The following ME3 variants were observed in gnomAD, a reference collection of about 807,000 sequenced individuals.
ME3 encodes the protein NADP-dependent malic enzyme, mitochondrial.
In ME3, 48 loss-of-function variants were observed where a neutral mutation model predicts 68.9. The ratio of observed to expected loss-of-function variants is 0.70; its 90% CI spans 0.55 to 0.89. ME3 has a LOEUF of 0.89. Among genes scored for constraint, ME3 ranks in the 40% least tolerant of loss-of-function variants. ME3 has a pLI of 0.00. For missense variants in ME3, 675 were observed against 797.4 expected (o/e 0.85, Z 1.85); for synonymous variants, 320 against 318.8 (o/e 1.00, Z -0.04).
chr11:86,613,742 C>A (rs12417361), intron 2 of ME3, among the ~76,000 whole-genome samples: 1 of 152,024 alleles, frequency 6.6e-6, no homozygotes, highest in Non-Finnish European at 1.5e-5. Flanking sequence ...AATAAAATAC[C>A]TAGGAATACA....
chr11:86,616,205 T>C (rs1942946452), intron 2 of ME3, among the ~76,000 whole-genome samples: 1 of 152,238 alleles, frequency 6.6e-6, no homozygotes, highest in Non-Finnish European at 1.5e-5. Context: ...ACTTAACTAT[T>C]CCTTTGTTAG....
intron 4 of ME3, among the ~76,000 whole-genome samples, chr11:86,548,168 T>G (rs966261182): frequency 2.0e-5 from 3 of 152,202 alleles, no homozygotes; most frequent in Non-Finnish European, 2.9e-5. Flanking sequence ...CCACATGCAT[T>G]TAAGCACAAA....
At chr11:86,527,091 CATGGCAAAG>C (rs1954814053) in intron 4 of ME3, among the ~76,000 whole-genome samples, 1 of 152,118 alleles carries the variant, frequency 6.6e-6, no homozygotes, top group Non-Finnish European at 1.5e-5. Flanking sequence ...AGTTCGAACC[CATGGCAAAG>C]AAGTTAAAAA....
intron 2 of ME3, among the ~76,000 whole-genome samples, chr11:86,638,129 A>AC (rs112225366): frequency 0.095 from 14,404 of 152,096 alleles, 703 homozygotes; most frequent in South Asian, 0.13. Flanking sequence ...GAAATGGTGT[A>AC]CCTCTGACTT....
intron 2 of ME3, among the ~76,000 whole-genome samples, chr11:86,571,476 G>A (rs998882569): frequency 1.4e-4 from 22 of 152,208 alleles, no homozygotes; most frequent in Admixed American, 2.6e-4. Flanking sequence ...CTGTATCTGC[G>A]CTGTCCAATG....
At chr11:86,523,342 C>T (rs1384717991) in intron 4 of ME3, among the ~76,000 whole-genome samples, 1 of 152,186 alleles carries the variant, frequency 6.6e-6, no homozygotes, top group African/African-American at 2.4e-5. Flanking sequence ...GGTAATATCA[C>T]TGAGGTAAGT....
intron 2 of ME3, among the ~76,000 whole-genome samples, chr11:86,633,375 A>T (rs1478795540): frequency 6.6e-6 from 1 of 152,216 alleles, no homozygotes; most frequent in Non-Finnish European, 1.5e-5. Context: ...AACTGAGCAC[A>T]ACATGCTTAC....
chr11:86,495,728 C>G (rs1399431715), intron 6 of ME3, among the ~76,000 whole-genome samples: 1 of 152,152 alleles, frequency 6.6e-6, no homozygotes, highest in South Asian at 2.1e-4. Flanking sequence ...AAGCATGTAT[C>G]CATATCTAAC....
intron 2 of ME3, among the ~76,000 whole-genome samples, chr11:86,616,539 A>C (rs1020253237): frequency 6.6e-6 from 1 of 152,222 alleles, no homozygotes; most frequent in Non-Finnish European, 1.5e-5. Flanking sequence ...TACCCTGCCC[A>C]CTAACAGTAC....
chr11:86,437,011 G>A, downstream of ME3: 1 of 152,068 alleles, frequency 6.6e-6, no homozygotes, highest in East Asian at 1.9e-4. Flanking sequence ...GACTTTTAGT[G>A]TAATCATTAC....
At chr11:86,657,542 G>T (rs548474207) in intron 2 of ME3, among the ~76,000 whole-genome samples, 1 of 152,166 alleles carries the variant, frequency 6.6e-6, no homozygotes, top group East Asian at 1.9e-4. Flanking sequence ...ATGGGTGCAG[G>T]AAACCACCAT....
At chr11:86,453,424 T>C (rs1949746531) in intron 8 of ME3, among the ~76,000 whole-genome samples, 1 of 152,212 alleles carries the variant, frequency 6.6e-6, no homozygotes, top group Non-Finnish European at 1.5e-5. Context: ...CACTGCTTTG[T>C]CTGCAAACCA....
At chr11:86,672,074 C>T (rs1946989942) in intron 1 of ME3, 116 bp from the exon 2 acceptor site, 4 of 853,442 alleles carry the variant, frequency 4.7e-6, no homozygotes, top group Non-Finnish European at 6.5e-6. Flanking sequence ...GGCAGGTGCT[C>T]CCAAAGGGTT....
chr11:86,671,350 G>T (rs1248007060), intron 2 of ME3, among the ~76,000 whole-genome samples: 2 of 151,990 alleles, frequency 1.3e-5, no homozygotes, highest in Non-Finnish European at 2.9e-5. Context: ...TTTTCTACCC[G>T]CATTTTCTCT....
chr11:86,499,800 G>A (rs1952601354), intron 5 of ME3, among the ~76,000 whole-genome samples: 1 of 152,212 alleles, frequency 6.6e-6, no homozygotes, highest in Non-Finnish European at 1.5e-5. Context: ...GGGCAGGTAG[G>A]CGGATCTGAG....
Position 86,508,881 on chromosome 11 carries a change from A to C in ME3, c.468-14T>G, listed in dbSNP as rs752943139. 1.2e-6 allele frequency: 2 copies of C among 1,601,912 alleles called. No individual in the cohort carries two copies. The highest frequency in any genetic ancestry group is 2.2e-5 in the South Asian group (2 of 90,842). On this transcript the variant is annotated splice_polypyrimidine_tract_variant and intron_variant, in intron 4 of 14. Transcript: ENST00000543262. ...ATGAACAGTCCACTAAAAGAAATAA[A>C]ACACGTACACACAGAGAAACCAGGC...
chr11:86,647,851 G>A (rs1945131991), intron 2 of ME3, among the ~76,000 whole-genome samples: 1 of 152,134 alleles, frequency 6.6e-6, no homozygotes, highest in African/African-American at 2.4e-5. Context: ...AGATCAACGA[G>A]ACATAAAATC....
chr11:86,569,165 A>C (rs1957644498), intron 2 of ME3, among the ~76,000 whole-genome samples: 1 of 152,236 alleles, frequency 6.6e-6, no homozygotes, highest in African/African-American at 2.4e-5. Context: ...TCATGAGCAG[A>C]TGCTGGAGAG....
chr11:86,438,263 A>T (rs1321679028), downstream of ME3, among the ~76,000 whole-genome samples: 2 of 152,012 alleles, frequency 1.3e-5, no homozygotes, highest in Non-Finnish European at 2.9e-5. Flanking sequence ...TCATTCTATT[A>T]ATGTAATTGA....
Sources: allele counts gnomAD v4.1 joint callset (sites outside exome capture counted in the v4.1 genomes callset), GRCh38; gene constraint gnomAD v4.1.1; transcripts MANE v1.5; gene names NCBI Gene and HGNC (gene_info 2026-07-23, HGNC 2026-07-21).